STAG1: variants seen among roughly 807,000 people sequenced by gnomAD.
STAG1 encodes the protein STAG1 cohesin complex component, also known as cohesin subunit SA-1.
STAG1 carries 26 observed loss-of-function variants against 170.9 expected under a neutral mutation model. The observed-to-expected ratio is 0.15, with a 90% confidence interval of 0.11 to 0.21. The LOEUF is 0.21. STAG1 is among the 10% of genes least tolerant of loss of function. The pLI is 1.00. For missense variants in STAG1, 964 were observed against 1,509.5 expected (o/e 0.64, Z 5.99); for synonymous variants, 514 against 497.7 (o/e 1.03, Z -0.44).
chr3:136,563,323 T>C (rs535348199), intron 5 of STAG1, among the ~76,000 whole-genome samples: 41 of 152,292 alleles, frequency 2.7e-4, no homozygotes, highest in South Asian at 6.2e-4. Context: ...GTTGTTATTA[T>C]GGTGTAAAGG....
intron 16 of STAG1, among the ~76,000 whole-genome samples, chr3:136,431,208 CCTT>C (rs1241318760): frequency 6.6e-6 from 1 of 151,632 alleles, no homozygotes; most frequent in Non-Finnish European, 1.5e-5. Context: ...CCAGCCCATT[CCTT>C]CTTTTTTCAT....
intron 1 of STAG1, among the ~76,000 whole-genome samples, chr3:136,717,244 G>A (rs1203067827): frequency 6.6e-6 from 1 of 152,140 alleles, no homozygotes; most frequent in African/African-American, 2.4e-5. Flanking sequence ...TATATGGACT[G>A]AGGCTCAAAA....
intron 1 of STAG1, among the ~76,000 whole-genome samples, chr3:136,708,950 T>C (rs1943304765): frequency 6.8e-6 from 1 of 147,204 alleles, no homozygotes; most frequent in South Asian, 2.2e-4. Context: ...ACCACAGGCA[T>C]GTACCACTGC....
intron 4 of STAG1, among the ~76,000 whole-genome samples, chr3:136,585,631 T>C (rs1257837457): frequency 6.6e-6 from 1 of 151,380 alleles, no homozygotes; most frequent in African/African-American, 2.4e-5. Context: ...AAAATAAAAT[T>C]AATCAATTCC....
rs138110440 is a variant in STAG1, at chr3:136,527,400, G to C, written c.472-5983C>G. Reference sequence around the variant, plus strand: ...TTGATCGAATCAGCTACTGAAGCTTGTGCATTTGTCACGTAGTTCTAGTGC... The same window carrying C: ...TTGATCGAATCAGCTACTGAAGCTTCTGCATTTGTCACGTAGTTCTAGTGC... On this transcript the variant is annotated intron_variant, in intron 6 of 33. Coordinates refer to ENST00000383202, the MANE Select transcript of STAG1 (RefSeq NM_005862.3). Among the ~76,000 whole-genome samples the C allele has an allele frequency of 6.5e-3, 989 of 152,264 alleles. 10 individuals are homozygous for C. Among genetic ancestry groups the C allele is most frequent in the African/African-American group, 0.023 (960 of 41,542 alleles).
At chr3:136,685,132 T>C (rs775146046) in intron 1 of STAG1, among the ~76,000 whole-genome samples, 2 of 152,128 alleles carry the variant, frequency 1.3e-5, no homozygotes, top group East Asian at 1.9e-4. Context: ...CTGGCCAACA[T>C]GGTGAAACCC....
At position 136,744,832 on chromosome 3, in the gene STAG1, C is replaced by T. The variant is rs576795738; in HGVS notation, c.-84+7363G>A. Reference sequence around the variant, plus strand: ...CTGGGACTACAGGCACATGCCACCACACCCAGCTAATTTTTGTATTTTTAG... The same window carrying T: ...CTGGGACTACAGGCACATGCCACCATACCCAGCTAATTTTTGTATTTTTAG... On this transcript the variant is annotated intron_variant, in intron 1 of 33. Coordinates refer to ENST00000383202, the MANE Select transcript of STAG1 (RefSeq NM_005862.3). Among the ~76,000 whole-genome samples, 21 of 152,186 alleles carry T rather than the reference C, an allele frequency of 1.4e-4. No homozygotes were observed. In the South Asian group the frequency reaches 4.1e-3, roughly 30 times the overall value.
intron 14 of STAG1, among the ~76,000 whole-genome samples, chr3:136,449,880 A>G (rs1160891104): frequency 6.7e-6 from 1 of 150,282 alleles, no homozygotes; most frequent in Non-Finnish European, 1.5e-5. Flanking sequence ...CATACTTATC[A>G]ATTTCTGAAA....
At chr3:136,653,418 C>G (rs1178279294) in intron 1 of STAG1, among the ~76,000 whole-genome samples, 1 of 151,990 alleles carries the variant, frequency 6.6e-6, no homozygotes, top group African/African-American at 2.4e-5. Context: ...GATGGGGCAA[C>G]TTAACTTAAT....
chr3:136,593,853 C>A (rs1182793415), intron 4 of STAG1, among the ~76,000 whole-genome samples: 1 of 152,190 alleles, frequency 6.6e-6, no homozygotes, highest in African/African-American at 2.4e-5. Context: ...CTTAGTTCCA[C>A]AAAATTTTAC....
In STAG1 at chr3:136,695,029, G is replaced by A. The variant is rs530092273; in HGVS notation, c.-84+57166C>T. 5.3e-5 allele frequency among the ~76,000 whole-genome samples: 8 copies of A among 152,238 alleles called. No individual in the cohort carries two copies. The South Asian group carries it at 1.2e-3, about 24-fold the overall frequency. ...AGTATTTTGGAGCAAGGCAAATTCC[G>A]ACTCTTAAATGCATTTGGATGCCTG... On this transcript the variant is annotated intron_variant, in intron 1 of 33. Transcript: ENST00000383202.
intron 1 of STAG1, among the ~76,000 whole-genome samples, chr3:136,744,288 T>C (rs953467533): frequency 1.3e-5 from 2 of 152,054 alleles, no homozygotes; most frequent in African/African-American, 2.4e-5. Flanking sequence ...GATTGCACCA[T>C]TGCACTCCAG....
At chr3:136,718,062 T>C (rs181707302) in intron 1 of STAG1, among the ~76,000 whole-genome samples, 1 of 152,156 alleles carries the variant, frequency 6.6e-6, no homozygotes, top group Admixed American at 6.5e-5. Flanking sequence ...ACTCGTGTAT[T>C]TACTGTAAAA....
At chr3:136,599,540 T>G (rs189577881) in intron 4 of STAG1, among the ~76,000 whole-genome samples, 1 of 151,736 alleles carries the variant, frequency 6.6e-6, no homozygotes, top group African/African-American at 2.4e-5. Flanking sequence ...CAAAAATAAA[T>G]AAAATAAAAT....
At chr3:136,376,450 G>A (rs1274180120) in intron 23 of STAG1, among the ~76,000 whole-genome samples, 1 of 152,024 alleles carries the variant, frequency 6.6e-6, no homozygotes, top group Non-Finnish European at 1.5e-5. Flanking sequence ...CAGACCAATG[G>A]GATATGCCCA....
At chr3:136,559,547 C>T (rs1318025199) in intron 5 of STAG1, among the ~76,000 whole-genome samples, 1 of 152,170 alleles carries the variant, frequency 6.6e-6, no homozygotes. Flanking sequence ...TATTTATACA[C>T]TAACTCCCGG....
intron 1 of STAG1, among the ~76,000 whole-genome samples, chr3:136,737,539 T>C (rs965458992): frequency 2.0e-5 from 3 of 152,218 alleles, no homozygotes; most frequent in Admixed American, 2.0e-4. Flanking sequence ...TGCCAGGCCT[T>C]GCCTCTGCAT....
intron 1 of STAG1, among the ~76,000 whole-genome samples, chr3:136,690,056 C>CAAAAAAAAAAAAAAAAAAAA (rs57082567): frequency 2.3e-4 from 13 of 56,370 alleles, no homozygotes; most frequent in Non-Finnish European, 2.6e-4. Flanking sequence ...AAAAGCAAAC[C>CAAAAAAAAAAAAAAAAAAAA]AAAAAAAAAA....
At position 136,676,812 on chromosome 3, in the gene STAG1, CT is replaced by C. The variant is rs369668158; in HGVS notation, c.-83-45832del. On this transcript the variant is annotated intron_variant, in intron 1 of 33. Transcript: ENST00000383202. ...CTTTTTTGTGATTTTATTTCTTAGA[CT>C]TTTTTTATTTTTTAAACTTTTTTTA... Among the ~76,000 whole-genome samples the C allele has an allele frequency of 2.0e-4, 31 of 151,920 alleles. No individual in the cohort carries two copies. The East Asian group carries it at 4.6e-3, about 23-fold the overall frequency.
Sources: allele counts gnomAD v4.1 joint callset (sites outside exome capture counted in the v4.1 genomes callset), GRCh38; gene constraint gnomAD v4.1.1; transcripts MANE v1.5; gene names NCBI Gene and HGNC (gene_info 2026-07-23, HGNC 2026-07-21).